PARG: variants seen among roughly 807,000 people sequenced by gnomAD.
The protein encoded by PARG is mitochondrial poly(ADP-ribose) glycohydrolase.
In PARG, 35 loss-of-function variants were observed where a neutral mutation model predicts 113.0. The ratio of observed to expected loss-of-function variants is 0.31; its 90% CI spans 0.24 to 0.41. The LOEUF (loss-of-function observed/expected upper bound fraction) is 0.41, where lower values mean the gene tolerates loss of function less well. Among genes scored for constraint, PARG ranks in the 10% least tolerant of loss-of-function variants. PARG has a pLI of 1.00. For synonymous variants in PARG, 330 were observed against 409.9 expected (o/e 0.81, Z 2.36); for missense variants, 797 against 1,169.4 (o/e 0.68, Z 4.64).
At position 49,896,182 on chromosome 10, in the gene PARG, G is replaced by A. The variant is rs1342953119; in HGVS notation, c.1738-10887C>T. Among the ~76,000 whole-genome samples the A allele has an allele frequency of 2.6e-5, 4 of 152,276 alleles. No individual in the cohort carries two copies. The East Asian group carries it at 5.8e-4, about 22-fold the overall frequency. On this transcript the variant is annotated intron_variant, in intron 7 of 17. Transcript: ENST00000616448. ...GCTTTTCCCCCAATCTTTGGGAAGA[G>A]TATTTCATATTTCACCATGAAGCAT...
At chr10:49,836,577 T>C (rs1358424983) in intron 15 of PARG, among the ~76,000 whole-genome samples, 9 of 152,198 alleles carry the variant, frequency 5.9e-5, no homozygotes, top group African/African-American at 2.2e-4. Flanking sequence ...TTAATTGTTA[T>C]TCTGATTCTA....
At chr10:49,905,185 T>G (rs1275717066) in intron 7 of PARG, among the ~76,000 whole-genome samples, 2 of 152,304 alleles carry the variant, frequency 1.3e-5, no homozygotes, top group African/African-American at 4.8e-5. Flanking sequence ...CTTAAAGAAT[T>G]TACCTTTTAG....
chr10:49,932,784 G>T (rs1354362859), intron 3 of PARG, among the ~76,000 whole-genome samples: 3 of 150,464 alleles, frequency 2.0e-5, no homozygotes, highest in Non-Finnish European at 4.4e-5. Context: ...CATTTAGTGA[G>T]TATAATACCA....
intron 7 of PARG, among the ~76,000 whole-genome samples, chr10:49,902,594 C>T (rs1456903228): frequency 6.6e-6 from 1 of 152,058 alleles, no homozygotes; most frequent in Non-Finnish European, 1.5e-5. Flanking sequence ...CCACTTTGTC[C>T]AGGACATTAG....
In PARG at chr10:49,837,601, A is replaced by G. The variant is rs1215246870; in HGVS notation, c.2541+4349T>C. On this transcript the variant is annotated intron_variant, in intron 15 of 17. Transcript: ENST00000616448. Reference sequence around the variant, plus strand: ...TTTTAATAGGTAAATGTAACTAGTAAGGGACAAATGCTTTAATCTAGAAGG... The same window carrying G: ...TTTTAATAGGTAAATGTAACTAGTAGGGGACAAATGCTTTAATCTAGAAGG... Among the ~76,000 whole-genome samples, 3 of 152,340 alleles carry G rather than the reference A, an allele frequency of 2.0e-5. No homozygotes were observed. In the East Asian group the frequency reaches 5.8e-4, roughly 29 times the overall value.
chr10:49,833,471 A>C (rs1844769416), intron 15 of PARG, among the ~76,000 whole-genome samples: 1 of 152,194 alleles, frequency 6.6e-6, no homozygotes, highest in Non-Finnish European at 1.5e-5. Context: ...GGATTCCTAT[A>C]CCTGGTTATG....
intron 15 of PARG, among the ~76,000 whole-genome samples, chr10:49,834,184 T>C (rs1279570277): frequency 1.3e-5 from 2 of 152,188 alleles, no homozygotes; most frequent in Non-Finnish European, 2.9e-5. Context: ...ATCTGAGAGC[T>C]CCATTTGTTT....
intron 7 of PARG, among the ~76,000 whole-genome samples, chr10:49,901,368 C>A (rs1361390400): frequency 8.4e-4 from 128 of 151,522 alleles, no homozygotes; most frequent in African/African-American, 3.0e-3. Flanking sequence ...CCCACCTCAG[C>A]CTCCCAAAGT....
chr10:49,833,964 G>T (rs1844792715), intron 15 of PARG, among the ~76,000 whole-genome samples: 1 of 151,814 alleles, frequency 6.6e-6, no homozygotes, highest in Non-Finnish European at 1.5e-5. Flanking sequence ...TTCCACAAAG[G>T]TATAAAAATT....
At position 49,877,301 on chromosome 10, in the gene PARG, A is replaced by G. The variant is rs1588930018; in HGVS notation, c.1988+2372T>C. 2.0e-5 allele frequency among the ~76,000 whole-genome samples: 3 copies of G among 150,320 alleles called. No individual in the cohort carries two copies. In the East Asian group the frequency reaches 5.8e-4, roughly 29 times the overall value. On this transcript the variant is annotated intron_variant, in intron 9 of 17. Coordinates refer to ENST00000616448, the MANE Select transcript of PARG (RefSeq NM_003631.5). ...GAGAGTAAAACATTCTCCAATTTTAAAAGGCTAAAAAATATGGTCTTCGGG... is the reference window on the plus strand; with the variant it reads ...GAGAGTAAAACATTCTCCAATTTTAGAAGGCTAAAAAATATGGTCTTCGGG...
chr10:49,931,584 C>G (rs1226513671), intron 4 of PARG, among the ~76,000 whole-genome samples: 2 of 151,828 alleles, frequency 1.3e-5, no homozygotes, highest in South Asian at 4.2e-4. Flanking sequence ...AACCAATCAG[C>G]ACTCTCGACT....
intron 11 of PARG, among the ~76,000 whole-genome samples, chr10:49,863,022 T>C (rs1475929205): frequency 2.6e-5 from 4 of 151,466 alleles, no homozygotes; most frequent in African/African-American, 4.9e-5. Flanking sequence ...CTTTATAGTA[T>C]AGCTCTTAAT....
chr10:49,829,574 G>A (rs1485882499), intron 16 of PARG, among the ~76,000 whole-genome samples: 2 of 152,046 alleles, frequency 1.3e-5, no homozygotes, highest in Admixed American at 1.3e-4. Flanking sequence ...AAGTGTGGTG[G>A]CTCACAAGTG....
In PARG at chr10:49,915,898, G is replaced by T. The variant is rs1372999150; in HGVS notation, c.1737+19C>A. The T allele has an allele frequency of 1.4e-5, 18 of 1,311,988 alleles. No homozygotes were observed. The highest frequency in any genetic ancestry group is 1.7e-5 in the Non-Finnish European group (16 of 928,844). 81.3% of individuals were successfully genotyped at this position (1,311,988 alleles called of 1,614,324 possible). A position where few individuals can be genotyped will look rare whatever the true frequency, so the allele number is the denominator to read the frequency against. ...GAGTTGTCAATAATATTTTCATAAA[G>T]AAATAAGGATACTTTTACCTTATCC... On this transcript the variant is annotated intron_variant, in intron 7 of 17. Coordinates refer to ENST00000616448, the MANE Select transcript of PARG (RefSeq NM_003631.5).
chr10:49,837,469 C>G lies in PARG; in HGVS notation c.2541+4481G>C, dbSNP rs1026885246. 1.3e-4 allele frequency among the ~76,000 whole-genome samples: 19 copies of G among 151,632 alleles called. 1 individual carries two copies. Among genetic ancestry groups the G allele is most frequent in the Admixed American group, 9.9e-4 (15 of 15,192 alleles). On this transcript the variant is annotated intron_variant, in intron 15 of 17. Transcript: ENST00000616448. ...AAGTGATTTAACACAGACTTCTGCTCTAAAAGTTTGTAAAACATGAGATAT... is the reference window on the plus strand; with the variant it reads ...AAGTGATTTAACACAGACTTCTGCTGTAAAAGTTTGTAAAACATGAGATAT...
chr10:49,920,483 TATATATATATATATAC>T (rs1388146780), intron 6 of PARG, among the ~76,000 whole-genome samples: 61 of 103,920 alleles, frequency 5.9e-4, no homozygotes, highest in Non-Finnish European at 9.8e-4. Context: ...TATATATATA[TATATATATATATATAC>T]ACACACACAC....
intron 7 of PARG, among the ~76,000 whole-genome samples, chr10:49,886,870 C>G (rs1461760782): frequency 8.5e-5 from 13 of 152,160 alleles, no homozygotes; most frequent in Middle Eastern, 6.8e-3. Context: ...CTCTTTAACT[C>G]TGTTAAAAAT....
intron 9 of PARG, among the ~76,000 whole-genome samples, chr10:49,870,606 T>C (rs1554837731): frequency 6.6e-6 from 1 of 151,954 alleles, no homozygotes; most frequent in African/African-American, 2.4e-5. Context: ...AAAGCAGGGC[T>C]TTAAAAGCAT....
intron 16 of PARG, among the ~76,000 whole-genome samples, chr10:49,830,216 T>C (rs1202829144): frequency 2.0e-5 from 3 of 152,232 alleles, no homozygotes; most frequent in Admixed American, 6.5e-5. Flanking sequence ...CTATCACAAA[T>C]GACCACGGCT....
Sources: allele counts gnomAD v4.1 joint callset (sites outside exome capture counted in the v4.1 genomes callset), GRCh38; gene constraint gnomAD v4.1.1; transcripts MANE v1.5; gene names NCBI Gene and HGNC (gene_info 2026-07-23, HGNC 2026-07-21).